ZCCHC4: variants seen among roughly 807,000 people sequenced by gnomAD.
ZCCHC4 encodes rRNA N(6)-adenosine-methyltransferase ZCCHC4.
Under a neutral mutation model 67.7 loss-of-function variants are expected in ZCCHC4, and 54 were observed. The ratio of observed to expected loss-of-function variants is 0.80; its 90% confidence interval spans 0.64 to 1.00. ZCCHC4 has a LOEUF of 1.00. ZCCHC4 is among the 50% of genes least tolerant of loss of function. The pLI is 0.00. For missense variants in ZCCHC4, 609 were observed against 617.0 expected (o/e 0.99, Z 0.14); for synonymous variants, 198 against 213.5 (o/e 0.93, Z 0.63).
Position 25,365,005 on chromosome 4 carries a change from T to G in ZCCHC4, c.1262-17T>G, listed in dbSNP as rs765347621. 4 of 1,610,928 alleles carry G rather than the reference T, an allele frequency of 2.5e-6. No individual in the cohort carries two copies. Among genetic ancestry groups the G allele is most frequent in the East Asian group, 4.5e-5 (2 of 44,864 alleles). On this transcript the variant is annotated splice_polypyrimidine_tract_variant and intron_variant, in intron 11 of 12. Coordinates refer to ENST00000302874, the MANE Select transcript of ZCCHC4 (RefSeq NM_024936.3). ...CGTTACATGAACTTCCTTTAAAACT[T>G]AATTTTTATTTTACAGCCTGGATCC...
chr4:25,365,898 G>T, intron 12 of ZCCHC4: 1 of 984,200 alleles, frequency 1.0e-6, no homozygotes, highest in Non-Finnish European at 1.2e-6. Flanking sequence ...TAAAAGGGAT[G>T]ATAGTGATTA....
At chr4:25,355,698 A>G (rs1174672767) in intron 8 of ZCCHC4, among the ~76,000 whole-genome samples, 2 of 152,236 alleles carry the variant, frequency 1.3e-5, no homozygotes, top group Non-Finnish European at 2.9e-5. Context: ...AATTTCTGGA[A>G]AATTATTGCA....
intron 5 of ZCCHC4, among the ~76,000 whole-genome samples, chr4:25,336,860 A>G (rs770157495): frequency 2.0e-5 from 3 of 152,226 alleles, no homozygotes; most frequent in Non-Finnish European, 4.4e-5. Context: ...GCCCTGTAAG[A>G]TAGATGCTAT....
At chr4:25,362,365 T>C (rs1720777543) in intron 10 of ZCCHC4, 64 bp downstream of exon 10, 9 of 1,094,782 alleles carry the variant, frequency 8.2e-6, no homozygotes, top group Non-Finnish European at 1.1e-5. Flanking sequence ...GTTTACTAGT[T>C]TTATTACTTT....
At chr4:25,348,656 A>G (rs1347711899) in intron 6 of ZCCHC4, among the ~76,000 whole-genome samples, 1 of 152,208 alleles carries the variant, frequency 6.6e-6, no homozygotes, top group East Asian at 1.9e-4. Context: ...TGCATAGGTT[A>G]TGTGCAATAC....
chr4:25,355,887 G>A (rs775520608), intron 8 of ZCCHC4, among the ~76,000 whole-genome samples: 1 of 152,228 alleles, frequency 6.6e-6, no homozygotes, highest in Non-Finnish European at 1.5e-5. Context: ...TGCTGGAGCA[G>A]AAGAAGGTAC....
intron 5 of ZCCHC4, among the ~76,000 whole-genome samples, chr4:25,341,987 A>G (rs1439934362): frequency 6.6e-6 from 1 of 152,202 alleles, no homozygotes; most frequent in Non-Finnish European, 1.5e-5. Context: ...TGTATAATGT[A>G]TGGAATATAT....
chr4:25,330,056 A>G (rs1719100168), intron 3 of ZCCHC4, among the ~76,000 whole-genome samples: 1 of 151,878 alleles, frequency 6.6e-6, no homozygotes, highest in Non-Finnish European at 1.5e-5. Flanking sequence ...CAGTGGTGTG[A>G]TCTCAGCTTA....
At chr4:25,364,962 T>G (rs1309118812) in intron 11 of ZCCHC4, 60 bp from the exon 12 acceptor site, 2 of 1,604,702 alleles carry the variant, frequency 1.2e-6, no homozygotes, top group Non-Finnish European at 1.7e-6. Context: ...CCTTAAAAGT[T>G]AATAAGATGA....
At chr4:25,363,310 G>A (rs1720826451) in intron 10 of ZCCHC4, among the ~76,000 whole-genome samples, 1 of 152,184 alleles carries the variant, frequency 6.6e-6, no homozygotes, top group South Asian at 2.1e-4. Flanking sequence ...TTAGTAATAG[G>A]CATTAAAGGT....
At chr4:25,368,869 T>C (rs749214184) in intron 12 of ZCCHC4, among the ~76,000 whole-genome samples, 160 bp from the exon 13 acceptor site, 1 of 149,088 alleles carries the variant, frequency 6.7e-6, no homozygotes, top group Non-Finnish European at 1.5e-5. Flanking sequence ...ACTCTTCCCT[T>C]GTTGTTATGG....
Position 25,359,243 on chromosome 4 carries a change from G to A in ZCCHC4, c.1012-2616G>A, listed in dbSNP as rs986045895. Among the ~76,000 whole-genome samples the A allele has an allele frequency of 5.3e-5, 8 of 152,188 alleles. No homozygotes were observed. The highest frequency in any genetic ancestry group is 2.6e-4 in the Admixed American group (4 of 15,286). On this transcript the variant is annotated intron_variant, in intron 8 of 12. Transcript: ENST00000302874. The surrounding 1 kb of genome is among the most constrained non-coding windows in gnomAD (Gnocchi z 4.9). Reference sequence around the variant, plus strand: ...GAATGAGCTTTTGCCAGCAGAGTTGGATGGGCATTTTTGACTGTGCTACGA... The same window carrying A: ...GAATGAGCTTTTGCCAGCAGAGTTGAATGGGCATTTTTGACTGTGCTACGA...
At chr4:25,340,640 A>G (rs1719710558) in intron 5 of ZCCHC4, among the ~76,000 whole-genome samples, 1 of 152,018 alleles carries the variant, frequency 6.6e-6, no homozygotes, top group Non-Finnish European at 1.5e-5. Context: ...ATGTCCTTCC[A>G]TTTCTTTAGA....
intron 2 of ZCCHC4, among the ~76,000 whole-genome samples, chr4:25,314,798 A>G (rs1179404029): frequency 1.3e-5 from 2 of 152,180 alleles, no homozygotes; most frequent in African/African-American, 4.8e-5. Flanking sequence ...GCAGATACAG[A>G]TTGCTCACTA....
At chr4:25,353,690 G>C (rs1400431855) in intron 8 of ZCCHC4, among the ~76,000 whole-genome samples, 3 of 152,160 alleles carry the variant, frequency 2.0e-5, no homozygotes, top group Non-Finnish European at 4.4e-5. Flanking sequence ...TTTAATCCTG[G>C]TGCTGGCACT....
chr4:25,362,937 A>G (rs917154321), intron 10 of ZCCHC4, among the ~76,000 whole-genome samples: 2 of 152,092 alleles, frequency 1.3e-5, no homozygotes, highest in African/African-American at 4.8e-5. Context: ...GCCCCGACAC[A>G]TGCACATTCT....
At chr4:25,366,373 T>C in intron 12 of ZCCHC4, 1 of 631,810 alleles carries the variant, frequency 1.6e-6, no homozygotes, top group Non-Finnish European at 2.0e-6. Context: ...TGGAGTGCAG[T>C]GGCCTGATCT....
chr4:25,352,717 C>T (rs1720360015), intron 8 of ZCCHC4, among the ~76,000 whole-genome samples: 1 of 152,180 alleles, frequency 6.6e-6, no homozygotes, highest in African/African-American at 2.4e-5. Context: ...ACCCAGCCTG[C>T]TTCCTCTTTT....
chr4:25,314,683 G>A (rs73252578), intron 2 of ZCCHC4, among the ~76,000 whole-genome samples: 10,461 of 152,094 alleles, frequency 0.069, 435 homozygotes, highest in African/African-American at 0.11. Flanking sequence ...CCCTCTTGAC[G>A]TAATTACCTC....
Sources: gnomAD v4.1 joint callset for allele counts (sites outside exome capture counted in the v4.1 genomes callset) on GRCh38, gnomAD v4.1.1 for gene constraint, Gnocchi (gnomAD v3.1) non-coding constraint, MANE v1.5 for transcripts, NCBI Gene and HGNC (gene_info 2026-07-23, HGNC 2026-07-21) for gene names.